KLF8: variants seen among roughly 807,000 people sequenced by gnomAD.
KLF8 encodes Krueppel-like factor 8.
A neutral mutation model predicts 18.2 loss-of-function variants in KLF8; 10 were observed. The observed-to-expected ratio is 0.55, with a 90% CI of 0.34 to 0.93. The LOEUF (loss-of-function observed/expected upper bound fraction) is 0.93. KLF8 is among the 40% of genes least tolerant of loss of function. KLF8 has a pLI of 0.02. For missense variants in KLF8, 264 were observed against 277.9 expected, an observed-to-expected ratio of 0.95 and a Z score of 0.36; for synonymous variants, 109 against 97.3, an observed-to-expected ratio of 1.12 and a Z score of -0.71.
intron 2 of KLF8, among the ~76,000 whole-genome samples, chrX:56,260,184 C>T (rs763893109): frequency 4.4e-4 from 49 of 110,910 alleles, no homozygotes; most frequent in Admixed American, 6.7e-4. Flanking sequence ...AATTTAGGGC[C>T]CACCCAGATA....
chrX:55,988,683 G>T, the KLF8 span, among the ~76,000 whole-genome samples: 1 of 111,253 alleles, frequency 9.0e-6, no homozygotes, highest in Admixed American at 9.6e-5. Flanking sequence ...GTGGCGATGT[G>T]GGCTCTTTTT....
the KLF8 span, among the ~76,000 whole-genome samples, chrX:56,050,210 A>G: frequency 9.0e-6 from 1 of 111,194 alleles, no homozygotes; most frequent in East Asian, 2.8e-4. Context: ...GATCCTTTCA[A>G]AAAACCAGCT....
At chrX:56,126,142 C>A in the KLF8 span, among the ~76,000 whole-genome samples, 10 of 111,644 alleles carry the variant, frequency 9.0e-5, no homozygotes, top group East Asian at 2.8e-4. Context: ...CATGACTCAG[C>A]GTTACAATGG....
the KLF8 span, among the ~76,000 whole-genome samples, chrX:56,094,736 A>G: frequency 9.0e-6 from 1 of 111,516 alleles, no homozygotes; most frequent in African/African-American, 3.2e-5. Flanking sequence ...TAAAACAGTA[A>G]AATTATACAA....
the KLF8 span, among the ~76,000 whole-genome samples, chrX:55,997,538 C>A: frequency 2.7e-5 from 3 of 111,462 alleles, no homozygotes; most frequent in Non-Finnish European, 5.6e-5. Context: ...GCTTGACAAC[C>A]ATGTGTAGGA....
At chrX:55,975,750 G>A in the KLF8 span, among the ~76,000 whole-genome samples, 1 of 111,293 alleles carries the variant, frequency 9.0e-6, no homozygotes, top group Non-Finnish European at 1.9e-5. Context: ...TTGTATAATA[G>A]GCCTCTTTTG....
chrX:56,212,860 T>C, the KLF8 span, among the ~76,000 whole-genome samples: 3 of 111,974 alleles, frequency 2.7e-5, no homozygotes, highest in Non-Finnish European at 5.6e-5. Context: ...TAGTGGATTT[T>C]TCTATTCTGC....
the KLF8 span, among the ~76,000 whole-genome samples, chrX:56,003,439 TAAATAAATA>T: frequency 7.4e-5 from 8 of 108,682 alleles, no homozygotes; most frequent in Non-Finnish European, 1.3e-4. Context: ...AATAAATAAA[TAAATAAATA>T]AAAGTCTGAA....
At chrX:56,242,231 C>T (rs2066555876) in intron 1 of KLF8, among the ~76,000 whole-genome samples, 2 of 112,015 alleles carry the variant, frequency 1.8e-5, no homozygotes, top group Admixed American at 9.5e-5. Flanking sequence ...TTAACATCAG[C>T]GTCTGAGAGA....
chrX:56,006,196 G>T, the KLF8 span, among the ~76,000 whole-genome samples: 1 of 112,336 alleles, frequency 8.9e-6, no homozygotes, highest in East Asian at 2.8e-4. Flanking sequence ...CTGGAGTCCT[G>T]CTCCTACTAT....
the KLF8 span, among the ~76,000 whole-genome samples, chrX:56,062,454 G>C: frequency 5.4e-5 from 6 of 111,650 alleles, no homozygotes; most frequent in African/African-American, 2.0e-4. Flanking sequence ...GCTTAGTTTG[G>C]CTGGTTATGA....
chrX:56,163,963 G>C, the KLF8 span, among the ~76,000 whole-genome samples: 2 of 111,720 alleles, frequency 1.8e-5, no homozygotes, highest in Non-Finnish European at 3.8e-5. Flanking sequence ...CTATGTCTCT[G>C]TCTTTGTACC....
At chrX:55,933,068 T>C in the KLF8 span, among the ~76,000 whole-genome samples, 4 of 111,952 alleles carry the variant, frequency 3.6e-5, no homozygotes, top group Non-Finnish European at 7.5e-5. Flanking sequence ...TTTTTTCTTA[T>C]GCTTTGTACA....
At chrX:55,953,759 G>A in the KLF8 span, among the ~76,000 whole-genome samples, 3 of 110,495 alleles carry the variant, frequency 2.7e-5, no homozygotes, top group African/African-American at 9.8e-5. Context: ...CTGAGATAAC[G>A]TGATACCCAC....
chrX:56,184,077 C>T, the KLF8 span, among the ~76,000 whole-genome samples: 2 of 112,540 alleles, frequency 1.8e-5, no homozygotes. Context: ...GGCATTGCCT[C>T]ACATGAGAAG....
At chrX:56,199,096 G>A in the KLF8 span, among the ~76,000 whole-genome samples, 1 of 112,017 alleles carries the variant, frequency 8.9e-6, no homozygotes, top group Non-Finnish European at 1.9e-5. Flanking sequence ...ATTCAAGATG[G>A]ATGAAAGACT....
At chrX:56,281,840 T>A (rs1216310852) in intron 5 of KLF8, among the ~76,000 whole-genome samples, 3 of 112,905 alleles carry the variant, frequency 2.7e-5, no homozygotes, top group African/African-American at 6.4e-5. Context: ...TTGTATGATG[T>A]TCATTGGCAC....
At chrX:56,130,000 A>G in the KLF8 span, among the ~76,000 whole-genome samples, 8 of 109,302 alleles carry the variant, frequency 7.3e-5, no homozygotes, top group East Asian at 2.3e-3. Context: ...CAACCTCCCA[A>G]CCCCCACAGC....
the KLF8 span, among the ~76,000 whole-genome samples, chrX:55,920,300 C>T: frequency 9.0e-6 from 1 of 111,693 alleles, no homozygotes; most frequent in Admixed American, 9.5e-5. Flanking sequence ...TTCCCTCTGA[C>T]ATGGTCTACC....
Sources: allele counts gnomAD v4.1 joint callset (sites outside exome capture counted in the v4.1 genomes callset), GRCh38; gene constraint gnomAD v4.1.1; transcripts MANE v1.5; gene names NCBI Gene and HGNC (gene_info 2026-07-23, HGNC 2026-07-21).